UBE2E2: variants seen among roughly 807,000 people sequenced by gnomAD.
UBE2E2 encodes the protein ubiquitin-conjugating enzyme E2 E2.
UBE2E2 carries 6 observed loss-of-function variants against 24.7 expected under a neutral mutation model. That is an observed-to-expected ratio of 0.24 (90% CI 0.13 to 0.48). The LOEUF (loss-of-function observed/expected upper bound fraction) is 0.48. UBE2E2 is among the 20% of genes least tolerant of loss of function. The pLI is 0.99. For missense variants in UBE2E2, 169 were observed against 245.0 expected (o/e 0.69, Z 2.07); for synonymous variants, 104 against 83.6 (o/e 1.24, Z -1.33).
At chr3:23,542,177 T>C (rs982042812) in intron 5 of UBE2E2, among the ~76,000 whole-genome samples, 3 of 152,200 alleles carry the variant, frequency 2.0e-5, no homozygotes, top group African/African-American at 7.2e-5. Flanking sequence ...AGGGTACATT[T>C]ATCTGAGGGA....
intron 5 of UBE2E2, among the ~76,000 whole-genome samples, chr3:23,534,467 A>T (rs943659012): frequency 3.3e-5 from 5 of 152,216 alleles, no homozygotes; most frequent in African/African-American, 7.2e-5. Context: ...GAACAAGCCT[A>T]AAAATAATGT....
intron 3 of UBE2E2, among the ~76,000 whole-genome samples, chr3:23,282,259 C>T (rs1204043289): frequency 6.6e-6 from 1 of 152,144 alleles, no homozygotes; most frequent in African/African-American, 2.4e-5. Flanking sequence ...GAGCTTTCAT[C>T]CAGGTCCTTC....
chr3:23,512,418 T>C (rs1193403753), intron 4 of UBE2E2, among the ~76,000 whole-genome samples: 1 of 123,738 alleles, frequency 8.1e-6, no homozygotes, highest in Admixed American at 7.5e-5. Flanking sequence ...TAGGTCTCAC[T>C]ATGTTGTCAC....
chr3:23,292,294 T>C (rs1404723909), intron 3 of UBE2E2, among the ~76,000 whole-genome samples: 1 of 152,158 alleles, frequency 6.6e-6, no homozygotes, highest in Non-Finnish European at 1.5e-5. Flanking sequence ...CAACTCTATA[T>C]TCATTATTTT....
At chr3:23,294,356 G>A (rs184143209) in intron 3 of UBE2E2, among the ~76,000 whole-genome samples, 1 of 152,004 alleles carries the variant, frequency 6.6e-6, no homozygotes, top group African/African-American at 2.4e-5. Context: ...TATATGGTCA[G>A]TTAGTTTTAT....
At chr3:23,270,412 C>T (rs570781942) in intron 3 of UBE2E2, among the ~76,000 whole-genome samples, 14 of 152,222 alleles carry the variant, frequency 9.2e-5, no homozygotes, top group African/African-American at 2.4e-4. Context: ...GAGAGCCCCA[C>T]GGGCCTGGGT....
intron 3 of UBE2E2, among the ~76,000 whole-genome samples, chr3:23,270,304 A>C (rs1281094619): frequency 1.3e-5 from 2 of 151,920 alleles, no homozygotes; most frequent in Non-Finnish European, 2.9e-5. Context: ...TCTGTGGTAG[A>C]ATTGCCTTTG....
chr3:23,262,530 T>G (rs538769003), intron 3 of UBE2E2, among the ~76,000 whole-genome samples: 3 of 152,264 alleles, frequency 2.0e-5, no homozygotes, highest in African/African-American at 7.2e-5. Flanking sequence ...GTCCTCCGCC[T>G]TGGTGTCCTA....
intron 3 of UBE2E2, among the ~76,000 whole-genome samples, chr3:23,283,257 A>G (rs1372171196): frequency 6.6e-6 from 1 of 152,106 alleles, no homozygotes; most frequent in Non-Finnish European, 1.5e-5. Context: ...GTGACTCTAC[A>G]GATGAAATTC....
At chr3:23,266,278 C>T (rs1346366632) in intron 3 of UBE2E2, among the ~76,000 whole-genome samples, 3 of 152,206 alleles carry the variant, frequency 2.0e-5, no homozygotes, top group African/African-American at 7.2e-5. Flanking sequence ...TTTGCAGTGG[C>T]TGGTGCCAGT....
intron 3 of UBE2E2, among the ~76,000 whole-genome samples, chr3:23,299,089 G>C (rs1324020234): frequency 6.6e-6 from 1 of 152,188 alleles, no homozygotes; most frequent in Non-Finnish European, 1.5e-5. Flanking sequence ...GGTGTTTATA[G>C]TATTCTCTGA....
chr3:23,231,443 C>G (rs1302789037), intron 3 of UBE2E2, among the ~76,000 whole-genome samples: 1 of 152,168 alleles, frequency 6.6e-6, no homozygotes. Flanking sequence ...GAAAACAACA[C>G]AAACTCAGGA....
chr3:23,518,005 T>C (rs1410643991), intron 4 of UBE2E2, among the ~76,000 whole-genome samples: 1 of 152,216 alleles, frequency 6.6e-6, no homozygotes, highest in Non-Finnish European at 1.5e-5. Context: ...TGAGTCATTC[T>C]TATTCCCCCT....
In UBE2E2 at chr3:23,212,586, C is replaced by T. The variant is rs1696359369; in HGVS notation, c.176+3711C>T. 2.8e-5 allele frequency among the ~76,000 whole-genome samples: 4 copies of T among 140,908 alleles called. No individual in the cohort carries two copies. The South Asian group carries it at 9.4e-4, about 33-fold the overall frequency. The allele number at this position is 140,908 out of a possible 152,430, so 92.4% of individuals were successfully genotyped here. A position where few individuals can be genotyped will look rare whatever the true frequency, so the allele number is the denominator to read the frequency against. On this transcript the variant is annotated intron_variant, in intron 2 of 5. Coordinates refer to ENST00000396703, the MANE Select transcript of UBE2E2 (RefSeq NM_152653.4). The stretch of plus-strand genomic sequence containing the variant: ...TTATTTTTGGACATTCAATATGATA[C>T]TGTTCGAGGTATGGTTTTTGGTTTC...
chr3:23,304,714 T>C (rs974779477), intron 3 of UBE2E2, among the ~76,000 whole-genome samples: 5 of 152,210 alleles, frequency 3.3e-5, no homozygotes, highest in Non-Finnish European at 7.3e-5. Context: ...TAACAAGTGG[T>C]AATTTCTGTA....
At chr3:23,457,042 A>T (rs1457963571) in intron 3 of UBE2E2, among the ~76,000 whole-genome samples, 2 of 152,232 alleles carry the variant, frequency 1.3e-5, no homozygotes, top group Non-Finnish European at 2.9e-5. Context: ...AATGCTGAGG[A>T]TAGTTCCCAA....
intron 5 of UBE2E2, among the ~76,000 whole-genome samples, chr3:23,587,667 T>C (rs1250293984): frequency 2.6e-5 from 4 of 152,224 alleles, no homozygotes; most frequent in Admixed American, 2.0e-4. Context: ...CCTATTACTC[T>C]AATGTCATTA....
rs57708620 is a variant in UBE2E2 at position 23,291,849 on chromosome 3, ATT to A, written c.227+74563_227+74564del. On this transcript the variant is annotated intron_variant, in intron 3 of 5. Coordinates refer to ENST00000396703, the MANE Select transcript of UBE2E2 (RefSeq NM_152653.4). ...AGATGTGTGCCACCATGCCCGGCTA[ATT>A]TTTTTTTTTTTTTTTTTTTTTTTTT... Among the ~76,000 whole-genome samples the A allele has an allele frequency of 2.7e-3, 174 of 64,010 alleles. 1 individual carries two copies. Among genetic ancestry groups the A allele is most frequent in the Non-Finnish European group, 3.7e-3 (143 of 38,150 alleles). 42.0% of individuals were successfully genotyped at this position (64,010 alleles called of 152,430 possible).
At chr3:23,406,203 A>G (rs556342968) in intron 3 of UBE2E2, among the ~76,000 whole-genome samples, 22 of 152,348 alleles carry the variant, frequency 1.4e-4, no homozygotes, top group Admixed American at 3.3e-4. Context: ...AGATTTGTTA[A>G]TGGATCTCCC....
Sources: allele counts gnomAD v4.1 joint callset (sites outside exome capture counted in the v4.1 genomes callset), GRCh38; gene constraint gnomAD v4.1.1; transcripts MANE v1.5; gene names NCBI Gene and HGNC (gene_info 2026-07-23, HGNC 2026-07-21).